The following MGST2 variants were observed in gnomAD, a reference collection of about 807,000 sequenced individuals.
MGST2 encodes the protein microsomal glutathione S-transferase 2.
A neutral mutation model predicts 16.6 loss-of-function variants in MGST2; 9 were observed. The observed-to-expected ratio is 0.54, with a 90% CI of 0.33 to 0.95. The LOEUF (loss-of-function observed/expected upper bound fraction) is 0.95. Ranked by LOEUF, MGST2 falls within the 40% of genes least tolerant of loss-of-function variation. MGST2 has a pLI of 0.03. For synonymous variants in MGST2, 79 were observed against 68.0 expected, an observed-to-expected ratio of 1.16 and a Z score of -0.79; for missense variants, 159 against 175.1, an observed-to-expected ratio of 0.91 and a Z score of 0.52.
chr4:139,668,061 A>C, intron 1 of MGST2, among the ~76,000 whole-genome samples: 1 of 152,182 alleles, frequency 6.6e-6, no homozygotes, highest in Non-Finnish European at 1.5e-5. Flanking sequence ...TAAGATGTAC[A>C]TTAGTTTGGT....
At chr4:139,731,733 C>G (rs1728734993) in intron 5 of MGST2, among the ~76,000 whole-genome samples, 1 of 152,166 alleles carries the variant, frequency 6.6e-6, no homozygotes, top group Non-Finnish European at 1.5e-5. Flanking sequence ...CTTTTAAGGA[C>G]TGGTCCTTAG....
At chr4:139,736,042 G>A (rs919886503) in intron 5 of MGST2, among the ~76,000 whole-genome samples, 3 of 152,180 alleles carry the variant, frequency 2.0e-5, no homozygotes. Context: ...TGGCAGGAAA[G>A]AGTAAAAATA....
intron 2 of MGST2, among the ~76,000 whole-genome samples, chr4:139,683,506 A>C (rs1320892018): frequency 6.6e-6 from 1 of 152,146 alleles, no homozygotes; most frequent in East Asian, 1.9e-4. Flanking sequence ...CTACTAAGCT[A>C]TTTGGATTGT....
chr4:139,687,804 G>C (rs888827596), intron 2 of MGST2: 3 of 152,148 alleles, frequency 2.0e-5, no homozygotes, highest in Non-Finnish European at 4.4e-5. Context: ...CTAGCCCTGG[G>C]CTCCTTAAAA....
Position 139,678,607 on chromosome 4 carries a change from T to C in MGST2, c.123T>C (p.Thr41=). ...LKYKVTPPAV[T]GSPEFERVFR... is the part of the protein sequence containing the mutation. ...ACAAAGTTACGCCCCCAGCAGTCAC[T>C]GGGTCACCAGAGTTTGAGAGAGTAT... Residue 41 remains threonine, a synonymous_variant, in exon 2 of 5, where the codon ACT becomes ACC. Transcript: ENST00000265498. The C allele has an allele frequency of 6.2e-7, 1 of 1,614,144 alleles. No individual in the cohort carries two copies. The highest frequency in any genetic ancestry group is 8.5e-7 in the Non-Finnish European group (1 of 1,179,992).
intron 1 of MGST2, among the ~76,000 whole-genome samples, chr4:139,674,136 C>G (rs537921316): frequency 6.6e-6 from 1 of 152,130 alleles, no homozygotes; most frequent in Admixed American, 6.5e-5. Context: ...AGGACATGCC[C>G]GTGACACAGC....
At chr4:139,721,142 G>A (rs748201422) in intron 5 of MGST2, among the ~76,000 whole-genome samples, 2 of 152,192 alleles carry the variant, frequency 1.3e-5, no homozygotes, top group Non-Finnish European at 2.9e-5. Flanking sequence ...AATCGGCAAC[G>A]ACTATTTCTC....
chr4:139,666,115 T>TGTGC lies in MGST2; in HGVS notation c.58+39_58+40insTGCG, dbSNP rs570913348. 9.2e-6 allele frequency: 12 copies of TGTGC among 1,298,240 alleles called. No individual in the cohort carries two copies. The African/African-American group carries it at 2.6e-4, about 28-fold the overall frequency. The allele number at this position is 1,298,240 out of a possible 1,614,324, so 80.4% of individuals were successfully genotyped here. A position where few individuals can be genotyped will look rare whatever the true frequency, so the allele number is the denominator to read the frequency against. ...GGAAGTTCGTGTGTGTGCGCGTGTG[T>TGTGC]GCGTGTGTGTGTGTGTGTGACAAGG... On this transcript the variant is annotated intron_variant, in intron 1 of 4. Coordinates refer to ENST00000265498, the MANE Select transcript of MGST2 (RefSeq NM_002413.5).
At chr4:139,694,884 G>A (rs1318506634) in intron 2 of MGST2, among the ~76,000 whole-genome samples, 1 of 152,194 alleles carries the variant, frequency 6.6e-6, no homozygotes, top group African/African-American at 2.4e-5. Context: ...TATGAATTGA[G>A]TAATCTCTTA....
chr4:139,747,523 G>A, the MGST2 span, among the ~76,000 whole-genome samples: 191 of 151,736 alleles, frequency 1.3e-3, 1 homozygote, highest in African/African-American at 4.4e-3. Flanking sequence ...GTGAAACCCC[G>A]TCTCTACTAA....
chr4:139,732,117 T>C (rs1728749457), intron 5 of MGST2, among the ~76,000 whole-genome samples: 1 of 152,212 alleles, frequency 6.6e-6, no homozygotes, highest in African/African-American at 2.4e-5. Context: ...AAGAAGCAAA[T>C]GTGAATAACT....
At chr4:139,739,375 G>A (rs1349587930) in intron 5 of MGST2, among the ~76,000 whole-genome samples, 1 of 152,186 alleles carries the variant, frequency 6.6e-6, no homozygotes, top group Non-Finnish European at 1.5e-5. Context: ...TCAGTGCTTT[G>A]AACATAGTTA....
chr4:139,680,517 A>G (rs1344757754), intron 2 of MGST2, among the ~76,000 whole-genome samples: 5 of 152,198 alleles, frequency 3.3e-5, no homozygotes, highest in Non-Finnish European at 7.3e-5. Context: ...CTTGCTGCAC[A>G]GCTGCTATCC....
At chr4:139,732,669 A>G (rs1728774600) in intron 5 of MGST2, among the ~76,000 whole-genome samples, 1 of 151,780 alleles carries the variant, frequency 6.6e-6, no homozygotes, top group Admixed American at 6.6e-5. Flanking sequence ...TTATCGGGGT[A>G]CAGGTGGTAT....
chr4:139,685,293 G>T (rs7664313), intron 2 of MGST2: 43,633 of 158,100 alleles, frequency 0.28, 6,963 homozygotes, highest in East Asian at 0.51. Flanking sequence ...CTTTGACTGA[G>T]CATGCAGCTT....
chr4:139,667,171 TAGA>T (rs1730402106), intron 1 of MGST2, among the ~76,000 whole-genome samples: 1 of 152,110 alleles, frequency 6.6e-6, no homozygotes, highest in African/African-American at 2.4e-5. Context: ...TGCCACGTGG[TAGA>T]AGAAGATTTA....
chr4:139,666,317 A>G (rs892984041), intron 1 of MGST2, among the ~76,000 whole-genome samples: 15 of 152,058 alleles, frequency 9.9e-5, no homozygotes, highest in Admixed American at 4.6e-4. Flanking sequence ...AGTTCTCCCA[A>G]CTGGAACGCT....
At chr4:139,705,517 T>A (rs1378369484), downstream of MGST2, 2 of 152,184 alleles carry the variant, frequency 1.3e-5, no homozygotes, top group South Asian at 2.1e-4. Context: ...AGTTTTTTTT[T>A]AATCTCATAA....
Position 139,704,204 on chromosome 4 carries a change from G to A in MGST2, c.*56G>A. The A allele has an allele frequency of 1.3e-6, 2 of 1,585,286 alleles. No homozygotes were observed. Among genetic ancestry groups the A allele is most frequent in the African/African-American group, 2.7e-5 (2 of 74,330 alleles). On this transcript the variant is annotated 3_prime_UTR_variant, in exon 5 of 5. Transcript: ENST00000265498. ...GCTGTTCCCACCATGAAGGTAATATGGTATCATTTGTTAAATAAAAATAAA... is the reference window on the plus strand; with the variant it reads ...GCTGTTCCCACCATGAAGGTAATATAGTATCATTTGTTAAATAAAAATAAA...
Sources: allele counts gnomAD v4.1 joint callset (sites outside exome capture counted in the v4.1 genomes callset), GRCh38; gene constraint gnomAD v4.1.1; transcripts MANE v1.5; gene names NCBI Gene and HGNC (gene_info 2026-07-23, HGNC 2026-07-21).